Variants in PER3 observed in about 807,000 individuals in gnomAD.
The protein encoded by PER3 is period circadian regulator 3.
Under a neutral mutation model 127.2 loss-of-function variants are expected in PER3, and 107 were observed. The ratio of observed to expected loss-of-function variants is 0.84; its 90% CI spans 0.72 to 0.99. The LOEUF (loss-of-function observed/expected upper bound fraction) is 0.99. Among genes scored for constraint, PER3 ranks in the 50% least tolerant of loss-of-function variants. The pLI, the probability that PER3 is intolerant of heterozygous loss-of-function variation, is 0.00. For missense variants in PER3, 1,560 were observed against 1,525.8 expected (o/e 1.02, Z -0.37); for synonymous variants, 618 against 585.8 (o/e 1.05, Z -0.79).
chr1:7,841,043 T>G (rs1310061821), intron 21 of PER3, among the ~76,000 whole-genome samples: 2 of 152,238 alleles, frequency 1.3e-5, no homozygotes, highest in Non-Finnish European at 1.5e-5. Flanking sequence ...ATCTTTTGGC[T>G]TCCCTGGGCC....
At chr1:7,800,567 A>G (rs2097166260) in intron 7 of PER3, among the ~76,000 whole-genome samples, 1 of 152,150 alleles carries the variant, frequency 6.6e-6, no homozygotes, top group Non-Finnish European at 1.5e-5. Flanking sequence ...AAGAATATCC[A>G]TATGGTACTA....
intron 16 of PER3, among the ~76,000 whole-genome samples, chr1:7,823,417 C>T (rs1302829171): frequency 3.9e-5 from 6 of 151,934 alleles, no homozygotes; most frequent in Non-Finnish European, 4.4e-5. Context: ...CCAAGGCGGG[C>T]GGATCACCTG....
At chr1:7,784,629 T>A (rs2097076166) in intron 1 of PER3, 25 bp from the exon 2 acceptor site, 2 of 381,566 alleles carry the variant, frequency 5.2e-6, no homozygotes, top group Non-Finnish European at 9.3e-6. Context: ...ATTTGTCCCT[T>A]GTCACCCTTG....
Position 7,836,798 on chromosome 1 carries a change from A to G in PER3, c.3399-201A>G, listed in dbSNP as rs2097360674. 4 of 468,666 alleles carry G rather than the reference A, an allele frequency of 8.5e-6. No individual in the cohort carries two copies. In the Admixed American group the frequency reaches 1.5e-4, roughly 18 times the overall value. 29.0% of individuals were successfully genotyped at this position (468,666 alleles called of 1,614,324 possible). A position where few individuals can be genotyped will look rare whatever the true frequency, so the allele number is the denominator to read the frequency against. ...TTTCTTCCATACACCTCATTAAAAC[A>G]TCATATAGATATTTTCCACCAAGAA... On this transcript the variant is annotated intron_variant, in intron 20 of 21. Coordinates refer to ENST00000377532, the MANE Select transcript of PER3 (RefSeq NM_001377275.1).
At chr1:7,790,629 G>C (rs1235850722) in intron 5 of PER3, among the ~76,000 whole-genome samples, 1 of 152,138 alleles carries the variant, frequency 6.6e-6, no homozygotes, top group Non-Finnish European at 1.5e-5. Flanking sequence ...CAAAGTCTTA[G>C]CTCATTCCAG....
intron 19 of PER3, among the ~76,000 whole-genome samples, chr1:7,830,649 T>C (rs1383614834): frequency 6.6e-6 from 1 of 152,242 alleles, no homozygotes; most frequent in Non-Finnish European, 1.5e-5. Flanking sequence ...ATTTTGAGTT[T>C]TGTGTATGGT....
In PER3 at chr1:7,842,935, C is replaced by G; in HGVS notation, c.*180C>G. ...ACATTGTATACAGAATCTTACTTCTCTTTGTTCCTGATATATTAAAATGGC... is the reference window on the plus strand; with the variant it reads ...ACATTGTATACAGAATCTTACTTCTGTTTGTTCCTGATATATTAAAATGGC... On this transcript the variant is annotated 3_prime_UTR_variant, in exon 22 of 22. Coordinates refer to ENST00000377532, the MANE Select transcript of PER3 (RefSeq NM_001377275.1). The G allele has an allele frequency of 2.4e-6, 1 of 410,056 alleles. No homozygotes were observed. The highest frequency in any genetic ancestry group is 4.3e-6 in the Non-Finnish European group (1 of 231,604). 25.4% of individuals were successfully genotyped at this position (410,056 alleles called of 1,614,324 possible).
In PER3 at chr1:7,843,888, G is replaced by T; in HGVS notation, c.*1133G>T. 7.9e-7 allele frequency: 1 copy of T among 1,258,864 alleles called. No homozygotes were observed. The highest frequency in any genetic ancestry group is 1.0e-6 in the Non-Finnish European group (1 of 970,648). 78.0% of individuals were successfully genotyped at this position (1,258,864 alleles called of 1,614,324 possible). On this transcript the variant is annotated 3_prime_UTR_variant, in exon 22 of 22. Coordinates refer to ENST00000377532, the MANE Select transcript of PER3 (RefSeq NM_001377275.1). Reference sequence around the variant, plus strand: ...ACTTGATAAATCAGCTCACTCTCTGGTGCTTTTTAGAGAAGTCCCTGATTC... The same window carrying T: ...ACTTGATAAATCAGCTCACTCTCTGTTGCTTTTTAGAGAAGTCCCTGATTC...
chr1:7,810,652 T>C (rs2097215416), intron 13 of PER3, 64 bp downstream of exon 13: 2 of 1,457,690 alleles, frequency 1.4e-6, no homozygotes, highest in Non-Finnish European at 1.9e-6. Flanking sequence ...ATAGACGTCA[T>C]GTATGTGATT....
chr1:7,798,588 T>G lies in PER3; in HGVS notation c.708T>G (p.Ile236Met), dbSNP rs1394368406. Reference protein sequence around the residue: ...HSPFRIIPYLIHVHHPAQPEL... With the variant: ...HSPFRIIPYLMHVHHPAQPEL... ...CATTCCGGATCATCCCCTATCTGAT[T>G]CATGTACATCACCCTGCCCAGCCAG... The change falls in exon 7 of 22, where the codon ATT becomes ATG. Residue 236 changes from isoleucine to methionine, a missense_variant. Physicochemically the swap from Ile to Met is conservative, Grantham distance 10. Coordinates refer to ENST00000377532, the MANE Select transcript of PER3 (RefSeq NM_001377275.1). The G allele has an allele frequency of 3.1e-6, 5 of 1,613,030 alleles. No individual in the cohort carries two copies. Among genetic ancestry groups the G allele is most frequent in the Non-Finnish European group, 4.2e-6 (5 of 1,179,118 alleles).
In PER3 at chr1:7,827,499, C is replaced by A. The variant is rs749291580; in HGVS notation, c.2570C>A (p.Thr857Asn). 2.3e-5 allele frequency: 37 copies of A among 1,614,206 alleles called. No individual in the cohort carries two copies. The South Asian group carries it at 3.6e-4, about 16-fold the overall frequency. Residue 857 changes from threonine (T) to asparagine (N), a missense_variant, in exon 18 of 22, where the codon ACC becomes AAC. Thr to Asn is a moderately conservative substitution (Grantham distance 65). Around this residue, in one of 3 missense-constraint regions of PER3, gnomAD observed 1,332 missense variants for 1,223.6 expected, o/e 1.09. Transcript: ENST00000377532. ...TTTCCTTACTTGGATACTTTTATGA[C>A]CGTTTTCCTGCCTGACCCCCCTGTC... ...FPFPYLDTFM[T>N]VFLPDPPVCP...
intron 5 of PER3, among the ~76,000 whole-genome samples, chr1:7,790,531 A>G (rs1309836406): frequency 1.3e-5 from 2 of 152,222 alleles, no homozygotes; most frequent in Non-Finnish European, 2.9e-5. Flanking sequence ...GTGGGGATAC[A>G]GCCAAACCAT....
chr1:7,788,034 GT>G lies in PER3; in HGVS notation c.391-6del, dbSNP rs1229800989. 1.9e-6 allele frequency: 3 copies of G among 1,591,348 alleles called. No individual in the cohort carries two copies. The Admixed American group carries it at 5.0e-5, about 27-fold the overall frequency. On this transcript the variant is annotated splice_polypyrimidine_tract_variant and intron_variant, in intron 4 of 21. Transcript: ENST00000377532. ...CTCAATATTTGCATTTATTTTAAATGTTTTTCATAGGATACCTTTGTGGCAG... is the reference window on the plus strand; with the variant it reads ...CTCAATATTTGCATTTATTTTAAATGTTTTCATAGGATACCTTTGTGGCAG...
intron 21 of PER3, among the ~76,000 whole-genome samples, chr1:7,839,158 A>G (rs754726068): frequency 1.1e-4 from 17 of 152,216 alleles, no homozygotes; most frequent in Non-Finnish European, 2.1e-4. Context: ...TAGCATTCTA[A>G]CATATCACTC....
In PER3 at chr1:7,843,840, T is replaced by C; in HGVS notation, c.*1085T>C. On this transcript the variant is annotated 3_prime_UTR_variant, in exon 22 of 22. Transcript: ENST00000377532. ...TCTATGGCGTTTGTAGTTGTGTCTT[T>C]TAAGAAGTGAGTGTGATTGTTTACT... The C allele has an allele frequency of 1.9e-6, 2 of 1,066,058 alleles. No individual in the cohort carries two copies. Among genetic ancestry groups the C allele is most frequent in the Non-Finnish European group, 2.4e-6 (2 of 825,662 alleles). 66.0% of individuals were successfully genotyped at this position (1,066,058 alleles called of 1,614,324 possible). A position where few individuals can be genotyped will look rare whatever the true frequency, so the allele number is the denominator to read the frequency against.
intron 16 of PER3, among the ~76,000 whole-genome samples, chr1:7,821,939 T>C (rs1253802181): frequency 1.3e-5 from 2 of 152,248 alleles, no homozygotes; most frequent in African/African-American, 4.8e-5. Context: ...CCTTGCAAGT[T>C]AATGTCTTCA....
At chr1:7,830,436 G>C (rs2151193131) in intron 19 of PER3, among the ~76,000 whole-genome samples, 1 of 152,294 alleles carries the variant, frequency 6.6e-6, no homozygotes. Context: ...AAACAGTTCT[G>C]TGACCCTCAC....
At chr1:7,841,574 G>A (rs1249010700) in intron 21 of PER3, among the ~76,000 whole-genome samples, 3 of 152,136 alleles carry the variant, frequency 2.0e-5, no homozygotes, top group Non-Finnish European at 4.4e-5. Context: ...AGTTGCAGGC[G>A]TTCAGATAGA....
intron 18 of PER3, 105 bp downstream of exon 18, chr1:7,827,920 G>A (rs567411572): frequency 1.2e-5 from 10 of 815,638 alleles, no homozygotes; most frequent in Non-Finnish European, 1.7e-5. Context: ...TAGGTAATCC[G>A]CGTGGCTACT....
Sources: allele counts gnomAD v4.1 joint callset (sites outside exome capture counted in the v4.1 genomes callset), GRCh38; gene constraint gnomAD v4.1.1; regional missense constraint gnomAD v4.1.1; transcripts MANE v1.5; gene names NCBI Gene and HGNC (gene_info 2026-07-23, HGNC 2026-07-21).